MBP: variants seen among roughly 807,000 people sequenced by gnomAD.
MBP encodes Golli-MBP.
Under a neutral mutation model 35.8 loss-of-function variants are expected in MBP, and 16 were observed. The observed-to-expected ratio is 0.45, with a 90% CI of 0.30 to 0.68. The LOEUF is 0.68. MBP is among the 30% of genes least tolerant of loss of function. MBP has a pLI of 0.08. For missense variants in MBP, 380 were observed against 404.7 expected, an observed-to-expected ratio of 0.94 and a Z score of 0.52; for synonymous variants, 143 against 159.6, an observed-to-expected ratio of 0.90 and a Z score of 0.78.
At chr18:77,119,501 G>C (rs1976822916) in intron 1 of MBP, among the ~76,000 whole-genome samples, 1 of 152,118 alleles carries the variant, frequency 6.6e-6, no homozygotes, top group East Asian at 1.9e-4. Flanking sequence ...ATACCCAGCA[G>C]GCACACAGCA....
chr18:77,011,089 G>C (rs1240707298), intron 4 of MBP, among the ~76,000 whole-genome samples: 1 of 152,198 alleles, frequency 6.6e-6, no homozygotes, highest in East Asian at 1.9e-4. Context: ...TGAACACACC[G>C]GGGTTTTCAG....
chr18:77,029,500 G>A (rs117820623), intron 3 of MBP, among the ~76,000 whole-genome samples: 2,639 of 150,122 alleles, frequency 0.018, 48 homozygotes, highest in Non-Finnish European at 0.026. Context: ...ACTTTTTGCA[G>A]AGATGGGGTC....
At position 76,988,718 on chromosome 18, in the gene MBP, A is replaced by T; in HGVS notation, c.717+159T>A. 1 of 1,327,122 alleles carries T rather than the reference A, an allele frequency of 7.5e-7. No individual in the cohort carries two copies. Among genetic ancestry groups the T allele is most frequent in the Non-Finnish European group, 1.0e-6 (1 of 962,962 alleles). 82.2% of individuals were successfully genotyped at this position (1,327,122 alleles called of 1,614,324 possible). On this transcript the variant is annotated intron_variant, in intron 6 of 8. Transcript: ENST00000355994. The surrounding 1 kb of genome is among the most constrained non-coding windows in gnomAD (Gnocchi z 5.2). ...GGTGCGGGAGGGACAGGAGGGGTGC[A>T]TGGATCTGCCGACCTGTTCTACTTG...
chr18:76,985,350 G>A (rs1969487767), intron 7 of MBP: 4 of 1,281,076 alleles, frequency 3.1e-6, no homozygotes, highest in African/African-American at 1.5e-5. Context: ...CCCGGCCTGC[G>A]CCTTTGCTGG....
At chr18:77,085,974 G>C (rs1429298795) in intron 2 of MBP, among the ~76,000 whole-genome samples, 3 of 152,156 alleles carry the variant, frequency 2.0e-5, no homozygotes, top group East Asian at 3.9e-4. Context: ...GAACCACCGC[G>C]CCCGGCCCTC....
chr18:77,085,394 ATCT>A (rs1299541568), intron 2 of MBP, among the ~76,000 whole-genome samples: 1 of 152,206 alleles, frequency 6.6e-6, no homozygotes, highest in Non-Finnish European at 1.5e-5. Flanking sequence ...GGCCCTGCCA[ATCT>A]TCTTATCTCT....
At chr18:77,075,558 CT>C (rs1381991614) in intron 2 of MBP, among the ~76,000 whole-genome samples, 1 of 152,144 alleles carries the variant, frequency 6.6e-6, no homozygotes, top group Non-Finnish European at 1.5e-5. Flanking sequence ...GTGCAGCCAT[CT>C]GATTTTGATA....
At chr18:77,055,585 T>C (rs180931486) in intron 3 of MBP, among the ~76,000 whole-genome samples, 213 of 151,184 alleles carry the variant, frequency 1.4e-3, no homozygotes, top group South Asian at 5.5e-3. Context: ...TTCTCTTTCT[T>C]TCTCTCTCTC....
At chr18:76,985,300 TG>T in intron 7 of MBP, 2 of 1,300,818 alleles carry the variant, frequency 1.5e-6, no homozygotes, top group Non-Finnish European at 2.0e-6. Context: ...ACTCGGACCC[TG>T]GGGGGCTGTG....
intron 1 of MBP, among the ~76,000 whole-genome samples, chr18:77,123,095 G>T (rs1976939661): frequency 6.6e-6 from 1 of 152,324 alleles, no homozygotes; most frequent in Middle Eastern, 3.4e-3. Context: ...GGACGGCATA[G>T]TATTTTTGTA....
Position 77,066,336 on chromosome 18 carries a change from T to G in MBP, c.101A>C (p.Glu34Ala). Residue 34 changes from glutamate to alanine, a missense_variant, in exon 3 of 9, where the codon GAA becomes GCA. Transcript: ENST00000355994. ...GESEKKRNLG[E>A]LSRTTSEDNE... ...GTCCTCTGAGGTTGTCCGTGAAAGT[T>G]CACCCAGGTTTCTCTTTTTTTCAGA... 6.2e-7 allele frequency: 1 copy of G among 1,614,240 alleles called. No individual in the cohort carries two copies. The highest frequency in any genetic ancestry group is 8.5e-7 in the Non-Finnish European group (1 of 1,180,034).
chr18:77,063,959 C>T (rs757855161), intron 3 of MBP, among the ~76,000 whole-genome samples: 3 of 151,620 alleles, frequency 2.0e-5, no homozygotes, highest in Admixed American at 6.6e-5. Context: ...CCGCTGCCAT[C>T]GTTACGAATA....
At chr18:77,027,541 C>T (rs1774574175) in intron 3 of MBP, among the ~76,000 whole-genome samples, 1 of 151,528 alleles carries the variant, frequency 6.6e-6, no homozygotes. Context: ...GCACACATTC[C>T]AGACCCCACA....
In MBP at chr18:77,089,700, T is replaced by G. The variant is rs184864904; in HGVS notation, c.51+15511A>C. ...GGGCTCTTGGAGGCTACAGTACTTT[T>G]CAGGCCGGAGGGTCCCATCCTGCCG... On this transcript the variant is annotated intron_variant, in intron 2 of 8. Transcript: ENST00000355994. 4.2e-4 allele frequency among the ~76,000 whole-genome samples: 64 copies of G among 152,344 alleles called. 1 individual carries two copies. In the East Asian group the frequency reaches 0.011, roughly 27 times the overall value.
intron 3 of MBP, among the ~76,000 whole-genome samples, chr18:77,064,345 C>G (rs1974103051): frequency 6.6e-6 from 1 of 152,222 alleles, no homozygotes; most frequent in Non-Finnish European, 1.5e-5. Flanking sequence ...TCCTCTGCCA[C>G]TGAGGATGGA....
At chr18:77,098,383 C>T (rs774798573) in intron 2 of MBP, among the ~76,000 whole-genome samples, 15 of 151,998 alleles carry the variant, frequency 9.9e-5, no homozygotes, top group African/African-American at 3.1e-4. Flanking sequence ...GTGGTGAAGC[C>T]GGAATTTTCA....
intron 3 of MBP, among the ~76,000 whole-genome samples, chr18:77,060,396 T>C (rs555097417): frequency 2.4e-4 from 36 of 151,346 alleles, no homozygotes; most frequent in Non-Finnish European, 4.4e-4. Context: ...CTTCAAGCAG[T>C]AGAGATGTTA....
intron 2 of MBP, among the ~76,000 whole-genome samples, chr18:77,089,009 C>A (rs927169808): frequency 6.6e-6 from 1 of 152,234 alleles, no homozygotes; most frequent in African/African-American, 2.4e-5. Flanking sequence ...CAGGGCCTGG[C>A]GCAGTGGTGC....
intron 3 of MBP, among the ~76,000 whole-genome samples, chr18:77,062,312 C>T (rs974302579): frequency 2.6e-5 from 4 of 152,144 alleles, no homozygotes; most frequent in Non-Finnish European, 2.9e-5. Flanking sequence ...CGCCTGGTTT[C>T]TAAGGAGGAG....
Sources: allele counts gnomAD v4.1 joint callset (sites outside exome capture counted in the v4.1 genomes callset), GRCh38; gene constraint gnomAD v4.1.1; non-coding constraint Gnocchi (gnomAD v3.1); transcripts MANE v1.5; gene names NCBI Gene and HGNC (gene_info 2026-07-23, HGNC 2026-07-21).